Variants in MDGA2 observed in about 807,000 individuals in gnomAD.
The protein encoded by MDGA2 is MAM domain containing glycosylphosphatidylinositol anchor 2, also known as MAM domain-containing glycosylphosphatidylinositol anchor protein 2.
Under a neutral mutation model 117.8 loss-of-function variants are expected in MDGA2, and 40 were observed. That is an observed-to-expected ratio of 0.34 (90% CI 0.26 to 0.44). The LOEUF is 0.44. Among genes scored for constraint, MDGA2 ranks in the 20% least tolerant of loss-of-function variants. The pLI is 1.00. For missense variants in MDGA2, 1,123 were observed against 1,250.6 expected (o/e 0.90, Z 1.54); for synonymous variants, 452 against 439.0 (o/e 1.03, Z -0.37).
intron 2 of MDGA2, among the ~76,000 whole-genome samples, chr14:47,247,768 T>C (rs1887296566): frequency 6.6e-6 from 1 of 151,250 alleles, no homozygotes; most frequent in African/African-American, 2.4e-5. Flanking sequence ...CATTAGGTAT[T>C]TCTCCTAATA....
At chr14:47,505,971 G>A (rs906139812) in intron 1 of MDGA2, among the ~76,000 whole-genome samples, 1 of 152,070 alleles carries the variant, frequency 6.6e-6, no homozygotes, top group East Asian at 1.9e-4. Context: ...ATTATGAATA[G>A]GACACAGGTC....
chr14:47,368,256 T>C (rs1264024528), intron 1 of MDGA2, among the ~76,000 whole-genome samples: 3 of 152,056 alleles, frequency 2.0e-5, no homozygotes, highest in Non-Finnish European at 4.4e-5. Context: ...CACTCTAGCC[T>C]GGGCAACAGA....
chr14:47,223,840 A>C (rs1886383675), intron 2 of MDGA2, among the ~76,000 whole-genome samples: 1 of 152,208 alleles, frequency 6.6e-6, no homozygotes, highest in African/African-American at 2.4e-5. Flanking sequence ...AGAAAATTAC[A>C]ATCATGGGGG....
In MDGA2 at chr14:47,484,767, G is replaced by A. The variant is rs542343417; in HGVS notation, c.281-183217C>T. On this transcript the variant is annotated intron_variant, in intron 1 of 16. Transcript: ENST00000399232. ...TCTCCTAATAGTGAATGGCTCTCAC[G>A]AGAGCTGATGGTTTTAAAAACAGGA... is the stretch of plus-strand genomic sequence containing the variant. Among the ~76,000 whole-genome samples, 25 of 152,134 alleles carry A rather than the reference G, an allele frequency of 1.6e-4. No homozygotes were observed. The East Asian group carries it at 3.3e-3, about 20-fold the overall frequency.
intron 1 of MDGA2, among the ~76,000 whole-genome samples, chr14:47,414,382 T>G (rs1437197363): frequency 6.6e-6 from 1 of 152,256 alleles, no homozygotes; most frequent in Non-Finnish European, 1.5e-5. Context: ...CATCAACTAG[T>G]TATGAAAAAT....
At chr14:47,332,288 G>A (rs182853925) in intron 1 of MDGA2, among the ~76,000 whole-genome samples, 1 of 152,116 alleles carries the variant, frequency 6.6e-6, no homozygotes, top group Non-Finnish European at 1.5e-5. Flanking sequence ...TTTGCATTCA[G>A]AAACTGGCCA....
At chr14:47,565,643 G>A (rs984894665) in intron 1 of MDGA2, among the ~76,000 whole-genome samples, 7 of 152,188 alleles carry the variant, frequency 4.6e-5, no homozygotes, top group African/African-American at 1.2e-4. Flanking sequence ...GTGGCCATAC[G>A]ACAGAGTGCA....
At chr14:47,313,078 T>G (rs1036058719) in intron 1 of MDGA2, among the ~76,000 whole-genome samples, 1 of 151,938 alleles carries the variant, frequency 6.6e-6, no homozygotes, top group African/African-American at 2.4e-5. Flanking sequence ...GTAAAATTAT[T>G]TTGCTTAGAT....
intron 5 of MDGA2, among the ~76,000 whole-genome samples, chr14:47,110,981 T>C (rs1881004560): frequency 6.6e-6 from 1 of 152,118 alleles, no homozygotes; most frequent in Admixed American, 6.6e-5. Context: ...TCAACATATA[T>C]TTATTAAGTA....
In MDGA2 at chr14:47,220,527, G is replaced by A. The variant is rs77119296; in HGVS notation, c.421-2332C>T. Among the ~76,000 whole-genome samples the A allele has an allele frequency of 4.6e-5, 7 of 152,306 alleles. No homozygotes were observed. The East Asian group carries it at 1.4e-3, about 29-fold the overall frequency. Reference sequence around the variant, plus strand: ...AGTTTTGGTAGCTTCCATTTGAACAGTGGGCCGATTTGAAACAAAAATCAA... The same window carrying A: ...AGTTTTGGTAGCTTCCATTTGAACAATGGGCCGATTTGAAACAAAAATCAA... On this transcript the variant is annotated intron_variant, in intron 2 of 16. Coordinates refer to ENST00000399232, the MANE Select transcript of MDGA2 (RefSeq NM_001113498.3).
intron 8 of MDGA2, among the ~76,000 whole-genome samples, chr14:46,965,588 A>C (rs954202392): frequency 6.6e-6 from 1 of 152,180 alleles, no homozygotes; most frequent in Non-Finnish European, 1.5e-5. Flanking sequence ...CGCACTCATT[A>C]TAGTGCACTC....
chr14:47,415,895 G>A (rs1196493369), intron 1 of MDGA2, among the ~76,000 whole-genome samples: 1 of 152,098 alleles, frequency 6.6e-6, no homozygotes, highest in Non-Finnish European at 1.5e-5. Flanking sequence ...GAATCATGAG[G>A]ACTCCACCTG....
At chr14:46,971,714 TTAAAGAGG>T (rs1283457796) in intron 8 of MDGA2, among the ~76,000 whole-genome samples, 1 of 151,944 alleles carries the variant, frequency 6.6e-6, no homozygotes, top group Non-Finnish European at 1.5e-5. Flanking sequence ...AGGTATATAG[TTAAAGAGG>T]TAAACAGTTA....
chr14:46,857,311 G>T (rs1390494976), intron 14 of MDGA2, among the ~76,000 whole-genome samples: 1 of 152,120 alleles, frequency 6.6e-6, no homozygotes, highest in African/African-American at 2.4e-5. Flanking sequence ...AGCTTCTAGG[G>T]ACAATATTTC....
At chr14:46,931,018 C>A (rs1884551097) in intron 9 of MDGA2, among the ~76,000 whole-genome samples, 1 of 151,966 alleles carries the variant, frequency 6.6e-6, no homozygotes, top group South Asian at 2.1e-4. Flanking sequence ...AGTTCAAGAC[C>A]AGTCTGACTA....
At position 47,654,765 on chromosome 14, in the gene MDGA2, T is replaced by C. The variant is rs372099225; in HGVS notation, c.280+19752A>G. Among the ~76,000 whole-genome samples the C allele has an allele frequency of 2.0e-5, 3 of 152,054 alleles. No individual in the cohort carries two copies. The South Asian group carries it at 6.2e-4, about 32-fold the overall frequency. On this transcript the variant is annotated intron_variant, in intron 1 of 16. Transcript: ENST00000399232. ...CAAATTAACCCAGCAATGAAGGTGC[T>C]TAGATTACCAAGGGAGAAAAGAAGA... is the stretch of plus-strand genomic sequence containing the variant.
chr14:47,176,214 G>A (rs1180364836), intron 3 of MDGA2, among the ~76,000 whole-genome samples: 1 of 152,112 alleles, frequency 6.6e-6, no homozygotes, highest in African/African-American at 2.4e-5. Context: ...TCGTGAAAAT[G>A]GCCATACTGC....
chr14:47,648,141 C>T (rs1485874784), intron 1 of MDGA2, among the ~76,000 whole-genome samples: 3 of 152,120 alleles, frequency 2.0e-5, no homozygotes, highest in Non-Finnish European at 2.9e-5. Context: ...CTATGTCATA[C>T]TGTGCCATTT....
rs1054860602 is a variant in MDGA2 at position 46,920,483 on chromosome 14, T to C, written c.2090-323A>G. On this transcript the variant is annotated intron_variant, in intron 9 of 16. Coordinates refer to ENST00000399232, the MANE Select transcript of MDGA2 (RefSeq NM_001113498.3). ...TCATTTTTAAATAATTTGAGTGATC[T>C]AAATGGATACACCAAGTATGCAGTA... 5.3e-5 allele frequency among the ~76,000 whole-genome samples: 8 copies of C among 152,274 alleles called. No individual in the cohort carries two copies. In the East Asian group the frequency reaches 1.4e-3, roughly 26 times the overall value.
Sources: allele counts gnomAD v4.1 joint callset (sites outside exome capture counted in the v4.1 genomes callset), GRCh38; gene constraint gnomAD v4.1.1; transcripts MANE v1.5; gene names NCBI Gene and HGNC (gene_info 2026-07-23, HGNC 2026-07-21).